Variants in SQOR observed in about 807,000 individuals in gnomAD.
SQOR encodes sulfide quinone oxidoreductase.
Under a neutral mutation model 48.6 loss-of-function variants are expected in SQOR, and 39 were observed. The ratio of observed to expected loss-of-function variants is 0.80; its 90% CI spans 0.62 to 1.05. SQOR has a LOEUF of 1.05. Among genes scored for constraint, SQOR ranks in the 50% least tolerant of loss-of-function variants. SQOR has a pLI of 0.00. For missense variants in SQOR, 561 were observed against 559.9 expected (o/e 1.00, Z -0.02); for synonymous variants, 220 against 206.2 (o/e 1.07, Z -0.57).
chr15:45,683,563 T>A (rs766150816), intron 7 of SQOR, among the ~76,000 whole-genome samples: 1 of 152,216 alleles, frequency 6.6e-6, no homozygotes, highest in Non-Finnish European at 1.5e-5. Context: ...ACACAAGACC[T>A]TCAGTATGGT....
chr15:45,636,988 CTTT>C (rs11303902), intron 1 of SQOR, among the ~76,000 whole-genome samples: 3 of 141,582 alleles, frequency 2.1e-5, no homozygotes, highest in African/African-American at 2.6e-5. Context: ...GTAACCTTGG[CTTT>C]TTTTTTTTTT....
chr15:45,674,605 T>TA (rs1192104470), intron 5 of SQOR, among the ~76,000 whole-genome samples: 1 of 152,112 alleles, frequency 6.6e-6, no homozygotes, highest in African/African-American at 2.4e-5. Flanking sequence ...GGGTATACAT[T>TA]AAAAAAATAT....
upstream of SQOR, among the ~76,000 whole-genome samples, chr15:45,633,501 C>T (rs536685898): frequency 6.6e-6 from 1 of 151,650 alleles, no homozygotes; most frequent in Admixed American, 6.6e-5. Context: ...CAAGACCAGC[C>T]TGGCCAACAT....
chr15:45,668,157 G>A (rs1057479827), intron 3 of SQOR, among the ~76,000 whole-genome samples: 30 of 151,860 alleles, frequency 2.0e-4, no homozygotes, highest in Non-Finnish European at 3.5e-4. Flanking sequence ...TGTGGGCCAG[G>A]CTGGTCTCGA....
upstream of SQOR, among the ~76,000 whole-genome samples, chr15:45,632,279 G>A (rs1309843697): frequency 2.0e-5 from 3 of 149,930 alleles, no homozygotes; most frequent in East Asian, 4.0e-4. Context: ...GAGTGCAGTG[G>A]CACGATCTTG....
chr15:45,666,986 C>A (rs1275741956), intron 3 of SQOR, among the ~76,000 whole-genome samples: 1 of 61,730 alleles, frequency 1.6e-5, no homozygotes, highest in Non-Finnish European at 3.3e-5. Flanking sequence ...CCCCTCTCCT[C>A]CCCTCTCTTT....
chr15:45,632,259 G>A (rs949646749), upstream of SQOR, among the ~76,000 whole-genome samples: 1 of 136,478 alleles, frequency 7.3e-6, no homozygotes, highest in Non-Finnish European at 1.5e-5. Flanking sequence ...TCGCTCTGTT[G>A]CCCAGGCTGG....
chr15:45,665,447 T>C (rs1164113162), intron 3 of SQOR, among the ~76,000 whole-genome samples: 2 of 152,248 alleles, frequency 1.3e-5, no homozygotes, highest in Non-Finnish European at 2.9e-5. Context: ...TTTCTATCTG[T>C]TATTCACAGG....
At chr15:45,673,881 T>G in intron 5 of SQOR, 80 bp downstream of exon 5, 35 of 1,371,792 alleles carry the variant, frequency 2.6e-5, no homozygotes, top group Non-Finnish European at 3.0e-5. Flanking sequence ...ATTTTATCTC[T>G]ATTGTAATCC....
chr15:45,668,939 G>A (rs1349637791), intron 3 of SQOR, among the ~76,000 whole-genome samples: 1 of 151,894 alleles, frequency 6.6e-6, no homozygotes, highest in Non-Finnish European at 1.5e-5. Flanking sequence ...ATTTGAAGAA[G>A]GGACTTTTTT....
intron 3 of SQOR, among the ~76,000 whole-genome samples, chr15:45,663,029 T>A (rs984968548): frequency 1.3e-5 from 2 of 152,150 alleles, no homozygotes; most frequent in Non-Finnish European, 2.9e-5. Context: ...GAGGCATTAT[T>A]TTTTTTGAGA....
At chr15:45,662,520 G>T (rs1430904086) in intron 3 of SQOR, among the ~76,000 whole-genome samples, 4 of 152,116 alleles carry the variant, frequency 2.6e-5, no homozygotes, top group Non-Finnish European at 5.9e-5. Context: ...CAGAACAATA[G>T]GATGCTGGAA....
In SQOR at chr15:45,670,689, G is replaced by A. The variant is rs534683539; in HGVS notation, c.459+708G>A. On this transcript the variant is annotated intron_variant, in intron 4 of 9. Coordinates refer to ENST00000260324, the MANE Select transcript of SQOR (RefSeq NM_021199.4). The stretch of plus-strand genomic sequence containing the variant: ...GCTTCAGGAATGTGACCTGGGCAAG[G>A]GCCTCAACAGAGTTGGCCCAGTAAG... Among the ~76,000 whole-genome samples the A allele has an allele frequency of 7.9e-5, 12 of 152,268 alleles. No homozygotes were observed. In the South Asian group the frequency reaches 1.5e-3, roughly 18 times the overall value.
At position 45,682,492 on chromosome 15, in the gene SQOR, T is replaced by C. The variant is rs145268321; in HGVS notation, c.879T>C (p.His293=). 4.8e-5 allele frequency: 78 copies of C among 1,614,032 alleles called. No homozygotes were observed. The African/African-American group carries it at 7.9e-4, about 16-fold the overall frequency. Residue 293 remains histidine, a synonymous_variant, in exon 7 of 10, where the codon CAT becomes CAC. Transcript: ENST00000260324. ...TTTGTGTGTAGTATGAAATGCTTCATGTCACACCTCCAATGAGCCCACCAG... is the reference window on the plus strand; with the variant it reads ...TTTGTGTGTAGTATGAAATGCTTCACGTCACACCTCCAATGAGCCCACCAG... ...ETQVISYEML[H]VTPPMSPPDV... is the part of the protein sequence containing the mutation.
upstream of SQOR, among the ~76,000 whole-genome samples, chr15:45,634,195 C>CTATATATATATATATATATATAT (rs1263372742): frequency 9.2e-5 from 2 of 21,786 alleles, no homozygotes; most frequent in Non-Finnish European, 1.7e-4. Flanking sequence ...ACAACAACAA[C>CTATATATATATATATATATATAT]AACTATATAT....
In SQOR at chr15:45,670,206, AT is replaced by A. The variant is rs1889914356; in HGVS notation, c.459+226del. Among the ~76,000 whole-genome samples, 5 of 152,250 alleles carry A rather than the reference AT, an allele frequency of 3.3e-5. No individual in the cohort carries two copies. In the South Asian group the frequency reaches 1.0e-3, roughly 32 times the overall value. ...CTTTAAGCTTTAATTAGAGTTCAGC[AT>A]GCTCATGCCTTAATGATTAATTCTT... is the stretch of plus-strand genomic sequence containing the variant. On this transcript the variant is annotated intron_variant, in intron 4 of 9. Transcript: ENST00000260324.
chr15:45,651,371 C>G (rs964742061), intron 1 of SQOR, among the ~76,000 whole-genome samples: 1 of 152,208 alleles, frequency 6.6e-6, no homozygotes, highest in African/African-American at 2.4e-5. Flanking sequence ...AGCCCCGGTT[C>G]CCGCCCGCGC....
intron 7 of SQOR, among the ~76,000 whole-genome samples, chr15:45,685,468 A>G (rs1890206585): frequency 6.6e-6 from 1 of 152,164 alleles, no homozygotes; most frequent in Non-Finnish European, 1.5e-5. Flanking sequence ...TGCTCCTTTA[A>G]TTACTCCCAG....
intron 1 of SQOR, among the ~76,000 whole-genome samples, chr15:45,655,268 A>T (rs1211460035): frequency 6.6e-6 from 1 of 152,196 alleles, no homozygotes; most frequent in African/African-American, 2.4e-5. Flanking sequence ...CCCCTGCCCC[A>T]TGGGGCGCTT....
Sources: gnomAD v4.1 joint callset for allele counts (sites outside exome capture counted in the v4.1 genomes callset) on GRCh38, gnomAD v4.1.1 for gene constraint, MANE v1.5 for transcripts, NCBI Gene and HGNC (gene_info 2026-07-23, HGNC 2026-07-21) for gene names.